COL4A1: variants seen among roughly 807,000 people sequenced by gnomAD.
The protein encoded by COL4A1 is collagen type IV alpha 1 chain.
Under a neutral mutation model 216.6 loss-of-function variants are expected in COL4A1, and 40 were observed. The observed-to-expected ratio is 0.18, with a 90% CI of 0.14 to 0.24. The LOEUF (loss-of-function observed/expected upper bound fraction) is 0.24, where lower values mean the gene tolerates loss of function less well. COL4A1 is among the 10% of genes least tolerant of loss of function. The pLI is 1.00. For missense variants in COL4A1, 1,628 were observed against 2,196.8 expected, an observed-to-expected ratio of 0.74 and a Z score of 5.18; for synonymous variants, 839 against 810.7, an observed-to-expected ratio of 1.03 and a Z score of -0.59.
At chr13:110,260,287 G>A (rs9515177) in intron 1 of COL4A1, among the ~76,000 whole-genome samples, 23,885 of 152,198 alleles carry the variant, frequency 0.16, 2,158 homozygotes, top group Non-Finnish European at 0.21. Flanking sequence ...TTATAAAACC[G>A]TCGCAACTCT....
Position 110,207,285 on chromosome 13 carries a change from T to C in COL4A1, c.780+118A>G. ...TGGACTGAACAGTCTATAAATCTGTTTTCCAGACCAGGATTGAATGTAGCT... is the reference window on the plus strand; with the variant it reads ...TGGACTGAACAGTCTATAAATCTGTCTTCCAGACCAGGATTGAATGTAGCT... On this transcript the variant is annotated intron_variant, in intron 13 of 51. Transcript: ENST00000375820. The surrounding 1 kb of genome is among the most constrained non-coding windows in gnomAD (Gnocchi z 4.4). 2.2e-6 allele frequency: 2 copies of C among 902,866 alleles called. No individual in the cohort carries two copies. Among genetic ancestry groups the C allele is most frequent in the Non-Finnish European group, 1.8e-6 (1 of 545,266 alleles). The allele number at this position is 902,866 out of a possible 1,614,324, so 55.9% of individuals were successfully genotyped here. A position where few individuals can be genotyped will look rare whatever the true frequency, so the allele number is the denominator to read the frequency against.
chr13:110,228,246 G>C (rs999442182), intron 2 of COL4A1, among the ~76,000 whole-genome samples: 2 of 146,230 alleles, frequency 1.4e-5, no homozygotes, highest in African/African-American at 5.0e-5. Flanking sequence ...GCGGGGGGGG[G>C]GTCTACATCA....
At position 110,277,810 on chromosome 13, in the gene COL4A1, T is replaced by G. The variant is rs145798993; in HGVS notation, c.84+29134A>C. Among the ~76,000 whole-genome samples, 757 of 152,346 alleles carry G rather than the reference T, an allele frequency of 5.0e-3. 6 individuals carry two copies. The highest frequency in any genetic ancestry group is 0.016 in the African/African-American group (668 of 41,582). On this transcript the variant is annotated intron_variant, in intron 1 of 51. Transcript: ENST00000375820. Reference sequence around the variant, plus strand: ...ATCTTTTGACCCACGTCTTGCAAGTTGAGTAAGTTAAAGGTCACTCACTTC... The same window carrying G: ...ATCTTTTGACCCACGTCTTGCAAGTGGAGTAAGTTAAAGGTCACTCACTTC...
At chr13:110,281,246 T>TC (rs1282008293) in intron 1 of COL4A1, among the ~76,000 whole-genome samples, 1 of 151,816 alleles carries the variant, frequency 6.6e-6, no homozygotes, top group Non-Finnish European at 1.5e-5. Context: ...AAGACTAACC[T>TC]CCCCCCGCCA....
intron 2 of COL4A1, among the ~76,000 whole-genome samples, chr13:110,221,638 A>C (rs1471914724): frequency 6.6e-6 from 1 of 152,200 alleles, no homozygotes; most frequent in Non-Finnish European, 1.5e-5. Context: ...ATGGAAGCGC[A>C]CAGTAAAGCT....
At chr13:110,301,015 CCA>C (rs778381805) in intron 1 of COL4A1, among the ~76,000 whole-genome samples, 24 of 152,302 alleles carry the variant, frequency 1.6e-4, no homozygotes, top group Non-Finnish European at 3.2e-4. Flanking sequence ...AGCAAAGCTT[CCA>C]CAGAGAAAAT....
At position 110,176,934 on chromosome 13, in the gene COL4A1, C is replaced by T. The variant is rs376384913; in HGVS notation, c.2820G>A (p.Lys940=). The change falls in exon 34 of 52, where the codon AAG becomes AAA. Residue 940 remains lysine, a synonymous_variant. Transcript: ENST00000375820. The part of the protein sequence containing the change: ...GLPGKPGSMD[K]VDMGSMKGQK... ...GGCCCTTCATGCTGCCCATGTCCAC[C>T]TTATCCATGGAGCCAGGCTTGCCAG... The T allele has an allele frequency of 6.2e-6, 10 of 1,614,098 alleles. No individual in the cohort carries two copies. The highest frequency in any genetic ancestry group is 8.5e-6 in the Non-Finnish European group (10 of 1,180,060).
At chr13:110,280,004 C>T (rs971695958) in intron 1 of COL4A1, among the ~76,000 whole-genome samples, 29 of 152,188 alleles carry the variant, frequency 1.9e-4, no homozygotes, top group African/African-American at 6.8e-4. Context: ...CACTTTGATT[C>T]TCCCTTCCTG....
At chr13:110,280,632 C>A (rs760723749) in intron 1 of COL4A1, among the ~76,000 whole-genome samples, 2 of 152,242 alleles carry the variant, frequency 1.3e-5, no homozygotes, top group African/African-American at 4.8e-5. Context: ...GACAATCCCA[C>A]GCCTACATCT....
At chr13:110,195,236 G>T in intron 21 of COL4A1, 118 bp from the exon 22 acceptor site, 1 of 841,910 alleles carries the variant, frequency 1.2e-6, no homozygotes. Context: ...TAGAAATTCA[G>T]CTTTAGTTTG....
At chr13:110,250,142 TTTAGAG>T (rs1035486279) in intron 1 of COL4A1, among the ~76,000 whole-genome samples, 24 of 151,962 alleles carry the variant, frequency 1.6e-4, no homozygotes, top group Admixed American at 5.2e-4. Flanking sequence ...CCTACTACTG[TTTAGAG>T]TTACACAATA....
intron 1 of COL4A1, among the ~76,000 whole-genome samples, chr13:110,251,751 A>G (rs1882083597): frequency 6.6e-6 from 1 of 152,230 alleles, no homozygotes; most frequent in Non-Finnish European, 1.5e-5. Context: ...GCAAGCCGGT[A>G]CAGAATTAAG....
intron 1 of COL4A1, among the ~76,000 whole-genome samples, chr13:110,281,642 A>G (rs932875296): frequency 5.3e-5 from 8 of 152,240 alleles, no homozygotes; most frequent in African/African-American, 1.9e-4. Flanking sequence ...AGATTTGGGT[A>G]GACCCTTGAT....
At chr13:110,203,657 T>C in intron 17 of COL4A1, 50 bp from the exon 18 acceptor site, 2 of 1,597,216 alleles carry the variant, frequency 1.3e-6, no homozygotes, top group South Asian at 1.1e-5. Flanking sequence ...ATAAAGATTG[T>C]CTTGCAGAAA....
At chr13:110,233,742 C>T (rs986330965) in intron 2 of COL4A1, among the ~76,000 whole-genome samples, 3 of 152,170 alleles carry the variant, frequency 2.0e-5, no homozygotes, top group African/African-American at 7.2e-5. Flanking sequence ...ATGGAAACTG[C>T]AGGCAGACCT....
intron 1 of COL4A1, among the ~76,000 whole-genome samples, chr13:110,269,384 G>A (rs757794501): frequency 1.3e-5 from 2 of 152,080 alleles, no homozygotes; most frequent in African/African-American, 2.4e-5. Flanking sequence ...TCATAAAAAC[G>A]CTTTTTGAAT....
chr13:110,239,461 C>A (rs887244913), intron 2 of COL4A1, among the ~76,000 whole-genome samples: 1 of 152,196 alleles, frequency 6.6e-6, no homozygotes, highest in Non-Finnish European at 1.5e-5. Flanking sequence ...AGCTTGGTAA[C>A]TTTAACTGCA....
Position 110,164,904 on chromosome 13 carries a change from G to A in COL4A1, c.4108C>T (p.Leu1370=). The part of the protein sequence containing the change: ...GLPGPEGPPG[L]KGLQGLPGPK... Reference sequence around the variant, plus strand: ...CCTGGCAGTCCCTGAAGCCCTTTCAGCCCTGGGGGGCCCTCAGGACCAGGG... The same window carrying A: ...CCTGGCAGTCCCTGAAGCCCTTTCAACCCTGGGGGGCCCTCAGGACCAGGG... The change falls in exon 46 of 52, where the codon CTG becomes TTG. Residue 1370 remains leucine, a synonymous_variant. Coordinates refer to ENST00000375820, the MANE Select transcript of COL4A1 (RefSeq NM_001845.6). The A allele has an allele frequency of 6.2e-7, 1 of 1,608,344 alleles. No individual in the cohort carries two copies. Among genetic ancestry groups the A allele is most frequent in the Non-Finnish European group, 8.5e-7 (1 of 1,177,448 alleles).
chr13:110,248,998 G>A (rs947203731), intron 1 of COL4A1, among the ~76,000 whole-genome samples: 1 of 152,030 alleles, frequency 6.6e-6, no homozygotes, highest in African/African-American at 2.4e-5. Flanking sequence ...TAACCGCGGT[G>A]GCTGTGAGGC....
Sources: allele counts gnomAD v4.1 joint callset (sites outside exome capture counted in the v4.1 genomes callset), GRCh38; gene constraint gnomAD v4.1.1; non-coding constraint Gnocchi (gnomAD v3.1); transcripts MANE v1.5; gene names NCBI Gene and HGNC (gene_info 2026-07-23, HGNC 2026-07-21).